The following KPNB1 variants were observed in gnomAD, a reference collection of about 807,000 sequenced individuals.
KPNB1 encodes importin subunit beta-1.
A neutral mutation model predicts 113.0 loss-of-function variants in KPNB1; 7 were observed. The ratio of observed to expected loss-of-function variants is 0.06; its 90% CI spans 0.04 to 0.12. KPNB1 has a LOEUF of 0.12. KPNB1 is among the 10% of genes least tolerant of loss of function. The pLI is 1.00. For missense variants in KPNB1, 400 were observed against 1,054.8 expected, an observed-to-expected ratio of 0.38 and a Z score of 8.60; for synonymous variants, 363 against 378.6, an observed-to-expected ratio of 0.96 and a Z score of 0.48.
chr17:47,663,621 G>A (rs1404195543), intron 7 of KPNB1, among the ~76,000 whole-genome samples: 1 of 152,052 alleles, frequency 6.6e-6, no homozygotes, highest in East Asian at 1.9e-4. Context: ...CCAAGATCAC[G>A]CCATTGCACT....
chr17:47,661,277 A>G lies in KPNB1; in HGVS notation c.696+99A>G, dbSNP rs115910263. The G allele has an allele frequency of 4.0e-4, 358 of 904,962 alleles. 2 individuals are homozygous for G. The African/African-American group carries it at 5.1e-3, about 13-fold the overall frequency. The allele number at this position is 904,962 out of a possible 1,614,324, so 56.1% of individuals were successfully genotyped here. ...ATACTGGGAATCAGTTGACTTCAGC[A>G]ATAAGGTTTGATTAATATTGTTACT... On this transcript the variant is annotated intron_variant, in intron 6 of 21. Coordinates refer to ENST00000290158, the MANE Select transcript of KPNB1 (RefSeq NM_002265.6).
chr17:47,675,387 T>TTTTTTTTTTTTTTTTTTTTTC (rs1790136117), intron 15 of KPNB1, among the ~76,000 whole-genome samples: 1 of 106,468 alleles, frequency 9.4e-6, no homozygotes, highest in African/African-American at 4.4e-5. Context: ...TTTTTTTTGT[T>TTTTTTTTTTTTTTTTTTTTTC]TGTTTTTTTT....
At position 47,673,181 on chromosome 17, in the gene KPNB1, GC is replaced by G; in HGVS notation, c.1695+20del. The G allele has an allele frequency of 6.2e-7, 1 of 1,613,080 alleles. No homozygotes were observed. Among genetic ancestry groups the G allele is most frequent in the Non-Finnish European group, 8.5e-7 (1 of 1,179,482 alleles). On this transcript the variant is annotated intron_variant, in intron 13 of 21. Transcript: ENST00000290158. ...TCAGATGGAGGTGAGACCTAAGAGTGCCCCTGACTATGGGTGGGAATTGGGT... is the reference window on the plus strand; with the variant it reads ...TCAGATGGAGGTGAGACCTAAGAGTGCCCTGACTATGGGTGGGAATTGGGT...
intron 10 of KPNB1, among the ~76,000 whole-genome samples, chr17:47,668,695 A>G (rs1319009222): frequency 6.6e-6 from 1 of 152,140 alleles, no homozygotes; most frequent in Non-Finnish European, 1.5e-5. Context: ...GCTTTTTCCT[A>G]TGTGCATGTG....
At chr17:47,666,354 A>G (rs947092859) in intron 9 of KPNB1, among the ~76,000 whole-genome samples, 13 of 148,246 alleles carry the variant, frequency 8.8e-5, no homozygotes, top group Admixed American at 2.7e-4. Flanking sequence ...TGCCTGGCCT[A>G]TAGTTGCTAT....
intron 6 of KPNB1, 68 bp from the exon 7 acceptor site, chr17:47,663,021 G>A (rs2030155098): frequency 2.4e-6 from 2 of 835,834 alleles, no homozygotes; most frequent in African/African-American, 3.3e-5. Flanking sequence ...TGGCCCATTT[G>A]AGTGAATCTA....
chr17:47,673,174 T>TA lies in KPNB1; in HGVS notation c.1695+11dup. On this transcript the variant is annotated intron_variant, in intron 13 of 21. Transcript: ENST00000290158. ...AGGTTCTTCAGATGGAGGTGAGACC[T>TA]AAGAGTGCCCCTGACTATGGGTGGG... The TA allele has an allele frequency of 4.3e-6, 7 of 1,613,654 alleles. No homozygotes were observed. The highest frequency in any genetic ancestry group is 5.9e-6 in the Non-Finnish European group (7 of 1,179,756).
rs1235721172 is a variant in KPNB1 at position 47,650,043 on chromosome 17, G to A, written c.-202G>A. On this transcript the variant is annotated 5_prime_UTR_variant, in exon 1 of 22. Transcript: ENST00000290158. ...CCCCGCCGCCAGCAGCCCATTTGGAGGGAGGAAGTAAGGGAAGAGGAGAGG... is the reference window on the plus strand; with the variant it reads ...CCCCGCCGCCAGCAGCCCATTTGGAAGGAGGAAGTAAGGGAAGAGGAGAGG... 17 of 1,361,864 alleles carry A rather than the reference G, an allele frequency of 1.2e-5. No individual in the cohort carries two copies. The Admixed American group carries it at 1.5e-4, about 12-fold the overall frequency. 84.4% of individuals were successfully genotyped at this position (1,361,864 alleles called of 1,614,324 possible). A position where few individuals can be genotyped will look rare whatever the true frequency, so the allele number is the denominator to read the frequency against.
intron 15 of KPNB1, among the ~76,000 whole-genome samples, chr17:47,675,372 G>GTTTTTTTTTT (rs755565036): frequency 3.5e-5 from 3 of 86,092 alleles, no homozygotes; most frequent in African/African-American, 1.5e-4. Flanking sequence ...TTTTTTTTTT[G>GTTTTTTTTTT]TTTTTTTTTT....
At position 47,650,072 on chromosome 17, in the gene KPNB1, G is replaced by A. The variant is rs1915482006; in HGVS notation, c.-173G>A. Reference sequence around the variant, plus strand: ...GGAAGTAAGGGAAGAGGAGAGGAAGGGGAGCCGGACCGACTACCCAGACAG... The same window carrying A: ...GGAAGTAAGGGAAGAGGAGAGGAAGAGGAGCCGGACCGACTACCCAGACAG... On this transcript the variant is annotated 5_prime_UTR_variant, in exon 1 of 22. Coordinates refer to ENST00000290158, the MANE Select transcript of KPNB1 (RefSeq NM_002265.6). 1.4e-6 allele frequency: 2 copies of A among 1,392,450 alleles called. No individual in the cohort carries two copies. The highest frequency in any genetic ancestry group is 2.9e-5 in the East Asian group (1 of 34,950). The allele number at this position is 1,392,450 out of a possible 1,614,324, so 86.3% of individuals were successfully genotyped here.
Position 47,685,029 on chromosome 17 carries a change from A to C in KPNB1, c.*2625A>C, listed in dbSNP as rs1478218568. Reference sequence around the variant, plus strand: ...GTCTGCTTGGGAAGATGTCAGTGCAAATGTGAAGATAATGGGCATCGGACT... The same window carrying C: ...GTCTGCTTGGGAAGATGTCAGTGCACATGTGAAGATAATGGGCATCGGACT... On this transcript the variant is annotated 3_prime_UTR_variant, in exon 22 of 22. Coordinates refer to ENST00000290158, the MANE Select transcript of KPNB1 (RefSeq NM_002265.6). 1 of 152,156 alleles carries C rather than the reference A, an allele frequency of 6.6e-6. No individual in the cohort carries two copies. Among genetic ancestry groups the C allele is most frequent in the East Asian group, 1.9e-4 (1 of 5,190 alleles). The allele number at this position is 152,156 out of a possible 1,614,324, so 9.4% of individuals were successfully genotyped here. A position where few individuals can be genotyped will look rare whatever the true frequency, so the allele number is the denominator to read the frequency against.
chr17:47,663,004 G>A (rs2030154769), intron 6 of KPNB1, 85 bp from the exon 7 acceptor site: 6 of 787,906 alleles, frequency 7.6e-6, no homozygotes, highest in Non-Finnish European at 1.4e-5. Context: ...TTAATCCTTA[G>A]GATTATTGGC....
At position 47,678,151 on chromosome 17, in the gene KPNB1, A is replaced by G; in HGVS notation, c.2209A>G (p.Asn737Asp). 6.2e-7 allele frequency: 1 copy of G among 1,614,226 alleles called. No homozygotes were observed. Among genetic ancestry groups the G allele is most frequent in the Non-Finnish European group, 8.5e-7 (1 of 1,180,026 alleles). The change falls in exon 18 of 22, where the codon AAT becomes GAT. Residue 737 changes from asparagine to aspartate, a missense_variant. This residue lies in a region of KPNB1 where 115 missense variants were observed against 427.9 expected (regional missense o/e 0.27). Transcript: ENST00000290158. ...EFKKYLEVVL[N>D]TLQQASQAQV... ...TAAAAAATACTTAGAGGTTGTATTG[A>G]ATACTCTTCAGCAGGCCTCCCAAGC...
chr17:47,682,481 G>A lies in KPNB1; in HGVS notation c.*77G>A, dbSNP rs2030813899. ...CTTTTGAAAAACCTGGAAGTGAGGA[G>A]TGTGCACGGATGCTGAATGTTTGGG... On this transcript the variant is annotated 3_prime_UTR_variant, in exon 22 of 22. Transcript: ENST00000290158. The A allele has an allele frequency of 2.6e-6, 2 of 777,910 alleles. No individual in the cohort carries two copies. Among genetic ancestry groups the A allele is most frequent in the Non-Finnish European group, 4.8e-6 (2 of 417,514 alleles). The allele number at this position is 777,910 out of a possible 1,614,324, so 48.2% of individuals were successfully genotyped here. A position where few individuals can be genotyped will look rare whatever the true frequency, so the allele number is the denominator to read the frequency against.
At chr17:47,666,118 A>G (rs768176223) in intron 9 of KPNB1, among the ~76,000 whole-genome samples, 9 of 151,858 alleles carry the variant, frequency 5.9e-5, no homozygotes, top group Non-Finnish European at 1.2e-4. Context: ...TCATGGCATG[A>G]TCTTGGCTCA....
At chr17:47,681,466 A>T (rs2030775472) in intron 21 of KPNB1, among the ~76,000 whole-genome samples, 1 of 150,988 alleles carries the variant, frequency 6.6e-6, no homozygotes, top group Non-Finnish European at 1.5e-5. Flanking sequence ...TAGAAACAGG[A>T]TTTCACCATC....
rs1422906252 is a variant in KPNB1, at chr17:47,656,060, C to T, written c.283-800C>T. 2.6e-5 allele frequency among the ~76,000 whole-genome samples: 4 copies of T among 151,736 alleles called. No homozygotes were observed. In the East Asian group the frequency reaches 5.8e-4, roughly 22 times the overall value. On this transcript the variant is annotated intron_variant, in intron 3 of 21. Transcript: ENST00000290158. ...CCTGAGGTCAGGAGTTTGAGACTGTCCTGGCCAACATGGTGAAACCCCATC... is the reference window on the plus strand; with the variant it reads ...CCTGAGGTCAGGAGTTTGAGACTGTTCTGGCCAACATGGTGAAACCCCATC...
chr17:47,663,972 G>A (rs2030187304), intron 7 of KPNB1, among the ~76,000 whole-genome samples, 187 bp from the exon 8 acceptor site: 1 of 149,482 alleles, frequency 6.7e-6, no homozygotes, highest in Non-Finnish European at 1.5e-5. Flanking sequence ...GTGACAGAGT[G>A]AGACCCCATC....
chr17:47,672,954 T>C (rs2030494381), intron 12 of KPNB1, 64 bp from the exon 13 acceptor site: 1 of 1,489,448 alleles, frequency 6.7e-7, no homozygotes, highest in Non-Finnish European at 9.0e-7. Flanking sequence ...TGGCAAGACA[T>C]TGTCTATGTT....
Sources: allele counts gnomAD v4.1 joint callset (sites outside exome capture counted in the v4.1 genomes callset), GRCh38; gene constraint gnomAD v4.1.1; regional missense constraint gnomAD v4.1.1; transcripts MANE v1.5; gene names NCBI Gene and HGNC (gene_info 2026-07-23, HGNC 2026-07-21).